Variants in KIAA0586 observed in about 807,000 individuals in gnomAD.
KIAA0586 encodes the protein KIAA0586, also known as protein TALPID3.
A neutral mutation model predicts 169.8 loss-of-function variants in KIAA0586; 144 were observed. The ratio of observed to expected loss-of-function variants is 0.85; its 90% CI spans 0.74 to 0.97. The LOEUF (loss-of-function observed/expected upper bound fraction) is 0.97, where lower values mean the gene tolerates loss of function less well. Ranked by LOEUF, KIAA0586 falls within the 50% of genes least tolerant of loss-of-function variation. The probability of loss-of-function intolerance (pLI) is 0.00; values close to 1 mark genes in which losing one functional copy is unlikely to be tolerated. For synonymous variants in KIAA0586, 625 were observed against 612.4 expected (o/e 1.02, Z -0.30); for missense variants, 1,854 against 1,823.0 (o/e 1.02, Z -0.31).
At chr14:58,469,427 G>A (rs768066883) in intron 16 of KIAA0586, among the ~76,000 whole-genome samples, 20 of 152,302 alleles carry the variant, frequency 1.3e-4, no homozygotes, top group African/African-American at 2.4e-4. Flanking sequence ...TTCTGACAGC[G>A]TAGGCCCACT....
chr14:58,538,279 T>A (rs2046424685), intron 29 of KIAA0586, among the ~76,000 whole-genome samples: 2 of 152,246 alleles, frequency 1.3e-5, no homozygotes, highest in Non-Finnish European at 2.9e-5. Context: ...CATTAAATTT[T>A]CTACAGTATA....
chr14:58,488,727 G>A lies in KIAA0586; in HGVS notation c.3634G>A (p.Ala1212Thr), dbSNP rs1490837041. The A allele has an allele frequency of 1.2e-6, 2 of 1,613,622 alleles. No homozygotes were observed. Among genetic ancestry groups the A allele is most frequent in the Admixed American group, 1.7e-5 (1 of 59,964 alleles). The change falls in exon 24 of 31, where the codon GCC becomes ACC. Residue 1212 changes from alanine to threonine, a missense_variant. Ala to Thr is a moderately conservative substitution (Grantham distance 58). Transcript: ENST00000652326. ...TATGCCATTTCCTGCCGGCACCAAG[G>A]CCCCTTCCCCCTCACAGATGCCAGG... ...PFMPFPAGTKAPSPSQMPGSD... is the reference protein window; with the variant it reads ...PFMPFPAGTKTPSPSQMPGSD...
intron 29 of KIAA0586, among the ~76,000 whole-genome samples, chr14:58,513,348 A>G (rs1052735986): frequency 5.9e-5 from 9 of 152,038 alleles, no homozygotes; most frequent in African/African-American, 2.2e-4. Context: ...TTTTGCTTTT[A>G]TAACTGTGAT....
intron 19 of KIAA0586, among the ~76,000 whole-genome samples, chr14:58,476,840 G>T (rs1354945061): frequency 6.6e-6 from 1 of 151,730 alleles, no homozygotes; most frequent in Non-Finnish European, 1.5e-5. Flanking sequence ...TGTATTTTTT[G>T]TAGAGACAGT....
intron 4 of KIAA0586, chr14:58,440,288 T>C (rs2038208717): frequency 2.7e-6 from 1 of 373,136 alleles, no homozygotes. Context: ...CTTTTCTTCT[T>C]TCTCTCTCTC....
intron 29 of KIAA0586, among the ~76,000 whole-genome samples, chr14:58,526,345 A>G (rs1482286938): frequency 6.6e-6 from 1 of 152,144 alleles, no homozygotes; most frequent in Admixed American, 6.5e-5. Context: ...CTCTGGGACA[A>G]AGCTTCCAGA....
Position 58,548,076 on chromosome 14 carries a change from T to C in KIAA0586, c.*144T>C. On this transcript the variant is annotated 3_prime_UTR_variant, in exon 31 of 31. Transcript: ENST00000652326. The stretch of plus-strand genomic sequence containing the variant: ...ATATTTTAAAATAAAACAAAAAGCA[T>C]AATTTGGGTATTTAAAGTTTTTAAA... 1 of 962,528 alleles carries C rather than the reference T, an allele frequency of 1.0e-6. No homozygotes were observed. Among genetic ancestry groups the C allele is most frequent in the Non-Finnish European group, 1.5e-6 (1 of 669,236 alleles). The allele number at this position is 962,528 out of a possible 1,614,324, so 59.6% of individuals were successfully genotyped here.
At chr14:58,453,242 AATC>A (rs1189099389) in intron 8 of KIAA0586, 105 bp from the exon 9 acceptor site, 41 of 587,178 alleles carry the variant, frequency 7.0e-5, no homozygotes, top group South Asian at 3.0e-4. Context: ...TTGAGTAGAT[AATC>A]ATCATAAGAA....
At chr14:58,532,554 A>G (rs183932775) in intron 29 of KIAA0586, among the ~76,000 whole-genome samples, 5 of 151,878 alleles carry the variant, frequency 3.3e-5, no homozygotes, top group Non-Finnish European at 2.9e-5. Context: ...ATATCTTTTA[A>G]GAAATCTATT....
chr14:58,448,467 TA>T lies in KIAA0586; in HGVS notation c.936del (p.Leu312PhefsTer12). On this transcript the variant is annotated frameshift_variant, in exon 7 of 31. Coordinates refer to ENST00000652326, the MANE Select transcript of KIAA0586 (RefSeq NM_001329943.3). LOFTEE classifies it high-confidence loss of function. ...HPNLGSCNPS[L>X]YNTFASKQAP... ...AATCTTGGTAGCTGTAATCCATCTT[TA>T]TATAACACATTTGCTTCCAAACAAG... 6.2e-7 allele frequency: 1 copy of T among 1,609,048 alleles called. No individual in the cohort carries two copies. Among genetic ancestry groups the T allele is most frequent in the Non-Finnish European group, 8.5e-7 (1 of 1,177,448 alleles).
chr14:58,492,016 T>A (rs2042862821), intron 25 of KIAA0586, 128 bp from the exon 26 acceptor site: 1 of 659,496 alleles, frequency 1.5e-6, no homozygotes. Flanking sequence ...AATAAAGAGT[T>A]CATCTCCTTT....
chr14:58,480,207 C>T (rs1447685271), intron 20 of KIAA0586, among the ~76,000 whole-genome samples: 1 of 151,548 alleles, frequency 6.6e-6, no homozygotes, highest in East Asian at 1.9e-4. Context: ...ACAGCATTTG[C>T]TTGTCAAAAA....
intron 28 of KIAA0586, among the ~76,000 whole-genome samples, chr14:58,511,995 T>C (rs2044420981): frequency 6.6e-6 from 1 of 152,190 alleles, no homozygotes; most frequent in Non-Finnish European, 1.5e-5. Flanking sequence ...ATATGAGAGA[T>C]GATAGTGCTT....
At chr14:58,501,822 C>G (rs181544257) in intron 27 of KIAA0586, among the ~76,000 whole-genome samples, 1 of 152,232 alleles carries the variant, frequency 6.6e-6, no homozygotes, top group Non-Finnish European at 1.5e-5. Flanking sequence ...TACGAAATTA[C>G]CCCACATTTA....
chr14:58,459,215 A>G (rs1175408820), intron 12 of KIAA0586, among the ~76,000 whole-genome samples: 1 of 152,180 alleles, frequency 6.6e-6, no homozygotes, highest in Admixed American at 6.5e-5. Flanking sequence ...TACTGTTTCC[A>G]TAGCAATAAA....
chr14:58,465,669 T>A (rs1392011421), intron 14 of KIAA0586, among the ~76,000 whole-genome samples, 166 bp from the exon 15 acceptor site: 1 of 152,208 alleles, frequency 6.6e-6, no homozygotes, highest in Non-Finnish European at 1.5e-5. Flanking sequence ...TGTCTGGCCA[T>A]TTAAGAAGTT....
intron 30 of KIAA0586, among the ~76,000 whole-genome samples, chr14:58,541,784 C>T (rs569702629): frequency 5.3e-5 from 8 of 152,258 alleles, no homozygotes; most frequent in East Asian, 1.9e-4. Context: ...AAGCTTCTAA[C>T]GCATGGTCTG....
intron 29 of KIAA0586, chr14:58,521,216 C>G: frequency 1.0e-6 from 1 of 954,580 alleles, no homozygotes; most frequent in South Asian, 1.4e-5. Flanking sequence ...CCTCATCATC[C>G]AACACAGTGG....
At chr14:58,474,001 C>T (rs2041422482) in intron 18 of KIAA0586, among the ~76,000 whole-genome samples, 1 of 152,054 alleles carries the variant, frequency 6.6e-6, no homozygotes, top group African/African-American at 2.4e-5. Context: ...GTCAGGACCT[C>T]AGGAAGTTTT....
Sources: allele counts gnomAD v4.1 joint callset (sites outside exome capture counted in the v4.1 genomes callset), GRCh38; gene constraint gnomAD v4.1.1; transcripts MANE v1.5; gene names NCBI Gene and HGNC (gene_info 2026-07-23, HGNC 2026-07-21).